VPS13D: variants seen among roughly 807,000 people sequenced by gnomAD.
VPS13D encodes intermembrane lipid transfer protein VPS13D.
Under a neutral mutation model 461.9 loss-of-function variants are expected in VPS13D, and 187 were observed. The observed-to-expected ratio is 0.40, with a 90% CI of 0.36 to 0.46. VPS13D has a LOEUF of 0.46. Among genes scored for constraint, VPS13D ranks in the 20% least tolerant of loss-of-function variants. VPS13D has a pLI of 0.60. For synonymous variants in VPS13D, 1,951 were observed against 1,986.3 expected, an observed-to-expected ratio of 0.98 and a Z score of 0.47; for missense variants, 4,711 against 5,364.9, an observed-to-expected ratio of 0.88 and a Z score of 3.81.
chr1:12,361,395 A>ATTTTTTTTTTTTTTTTTTTTTTTT (rs796776170), intron 50 of VPS13D, among the ~76,000 whole-genome samples: 1 of 133,376 alleles, frequency 7.5e-6, no homozygotes. Flanking sequence ...TTATTTATTT[A>ATTTTTTTTTTTTTTTTTTTTTTTT]TTTATTTATT....
At chr1:12,294,143 A>C (rs191415030) in intron 24 of VPS13D, among the ~76,000 whole-genome samples, 53 of 152,374 alleles carry the variant, frequency 3.5e-4, no homozygotes, top group Admixed American at 2.7e-3. Flanking sequence ...TTTACAAAGT[A>C]AGTCAGTCTA....
rs920944237 is a variant in VPS13D, at chr1:12,362,286, G to A, written c.10142-434G>A. Among the ~76,000 whole-genome samples, 2 of 152,244 alleles carry A rather than the reference G, an allele frequency of 1.3e-5. 1 individual carries two copies. The highest frequency in any genetic ancestry group is 4.1e-4 in the South Asian group (2 of 4,832). On this transcript the variant is annotated intron_variant, in intron 50 of 69. Transcript: ENST00000620676. ...ATTACAGAATCCAAGAAAGTAATCT[G>A]AAATTTCCACTGTATCTGTAAAAGT... is the stretch of plus-strand genomic sequence containing the variant.
chr1:12,338,404 T>C (rs1643497245), intron 40 of VPS13D, 99 bp downstream of exon 40: 3 of 1,046,040 alleles, frequency 2.9e-6, no homozygotes, highest in Admixed American at 1.8e-5. Flanking sequence ...GAATTGGGGG[T>C]ATTCCATGTC....
chr1:12,478,519 T>A, intron 67 of VPS13D: 1 of 292,332 alleles, frequency 3.4e-6, no homozygotes, highest in South Asian at 3.5e-5. Context: ...GGCAAAAGTT[T>A]ATAAAGAGTC....
intron 60 of VPS13D, among the ~76,000 whole-genome samples, chr1:12,389,534 A>C (rs1182122338): frequency 6.6e-6 from 1 of 152,208 alleles, no homozygotes; most frequent in African/African-American, 2.4e-5. Flanking sequence ...AATGAAGGAG[A>C]AAGGAAATAA....
In VPS13D at chr1:12,508,946, C is replaced by T. The variant is rs1291145648; in HGVS notation, c.13089C>T (p.Tyr4363=). Residue 4363 remains tyrosine (Y), a synonymous_variant, in exon 70 of 70, where the codon TAC becomes TAT. Transcript: ENST00000620676. ...LAVKLSQEIN[Y]AKSLYYEQQL... ...TCAAGTTGTCACAAGAAATAAACTA[C>T]GCAAAGAGCCTCTACTATGAACAGC... 9 of 1,614,158 alleles carry T rather than the reference C, an allele frequency of 5.6e-6. No homozygotes were observed. Among genetic ancestry groups the T allele is most frequent in the South Asian group, 1.1e-5 (1 of 91,066 alleles).
intron 60 of VPS13D, among the ~76,000 whole-genome samples, chr1:12,395,477 A>G (rs1644482862): frequency 6.6e-6 from 1 of 152,248 alleles, no homozygotes; most frequent in African/African-American, 2.4e-5. Context: ...GCATGACAAG[A>G]GCTTGTGTCT....
intron 60 of VPS13D, among the ~76,000 whole-genome samples, chr1:12,399,389 G>T (rs1255904764): frequency 6.6e-6 from 1 of 151,576 alleles, no homozygotes; most frequent in Admixed American, 6.6e-5. Context: ...TAGAGACGGG[G>T]TTTCATCATG....
chr1:12,487,683 G>T (rs1645816461), intron 67 of VPS13D, among the ~76,000 whole-genome samples: 1 of 151,808 alleles, frequency 6.6e-6, no homozygotes, highest in African/African-American at 2.4e-5. Flanking sequence ...ATATCTGCTT[G>T]GCTTTGGTCA....
chr1:12,446,150 C>G (rs1385488476), intron 65 of VPS13D, among the ~76,000 whole-genome samples: 1 of 152,190 alleles, frequency 6.6e-6, no homozygotes, highest in Non-Finnish European at 1.5e-5. Flanking sequence ...GACATGGTGG[C>G]TCACACCTGT....
At chr1:12,405,454 C>T (rs941963093) in intron 63 of VPS13D, among the ~76,000 whole-genome samples, 8 of 152,094 alleles carry the variant, frequency 5.3e-5, no homozygotes, top group Non-Finnish European at 7.4e-5. Flanking sequence ...CATCAGATCA[C>T]ATTTGGGTAA....
intron 68 of VPS13D, chr1:12,500,231 G>A: frequency 7.1e-6 from 7 of 984,010 alleles, no homozygotes; most frequent in Non-Finnish European, 8.4e-6. Context: ...ATGATTTCTG[G>A]TCTGGCCAGC....
chr1:12,346,358 C>T (rs974941744), intron 43 of VPS13D, among the ~76,000 whole-genome samples: 1 of 152,078 alleles, frequency 6.6e-6, no homozygotes. Context: ...GGACCAGTTC[C>T]CTCATAGGTA....
In VPS13D at chr1:12,363,192, A is replaced by G. The variant is rs747160352; in HGVS notation, c.10393A>G (p.Ile3465Val). The change falls in exon 52 of 70, where the codon ATT becomes GTT. Residue 3465 changes from isoleucine (I) to valine (V), a missense_variant. This residue lies in a region of VPS13D where 4,411 missense variants were observed against 4,937.8 expected (regional missense o/e 0.89). Transcript: ENST00000620676. Reference protein sequence around the residue: ...CVRLMDVPNCIWSGGFEVNKN... With the variant: ...CVRLMDVPNCVWSGGFEVNKN... Reference sequence around the variant, plus strand: ...CAGACTGATGGACGTTCCCAATTGTATTTGGTCTGGAGGCTTTGAAGTCAA... The same window carrying G: ...CAGACTGATGGACGTTCCCAATTGTGTTTGGTCTGGAGGCTTTGAAGTCAA... 5.0e-6 allele frequency: 8 copies of G among 1,614,114 alleles called. No individual in the cohort carries two copies. The highest frequency in any genetic ancestry group is 2.2e-5 in the East Asian group (1 of 44,878).
chr1:12,499,827 G>A (rs924406977), intron 68 of VPS13D: 2 of 985,356 alleles, frequency 2.0e-6, no homozygotes, highest in Non-Finnish European at 2.4e-6. Context: ...GGGTCTTCGC[G>A]GTGGAGTGAA....
At chr1:12,417,274 A>G (rs1018951350) in intron 65 of VPS13D, among the ~76,000 whole-genome samples, 2 of 152,174 alleles carry the variant, frequency 1.3e-5, no homozygotes, top group Non-Finnish European at 2.9e-5. Flanking sequence ...GCCACCTGAA[A>G]CCAGCAGCAG....
At chr1:12,319,782 A>G in intron 32 of VPS13D, 152 bp downstream of exon 32, 2 of 1,155,532 alleles carry the variant, frequency 1.7e-6, no homozygotes, top group Non-Finnish European at 2.4e-6. Flanking sequence ...TTCTCCCCAA[A>G]TCTACCTGGC....
chr1:12,498,701 G>C (rs898995991), intron 68 of VPS13D, among the ~76,000 whole-genome samples: 1 of 152,124 alleles, frequency 6.6e-6, no homozygotes, highest in Non-Finnish European at 1.5e-5. Context: ...AGTTCTAAAG[G>C]CTGAGAGGTC....
intron 7 of VPS13D, among the ~76,000 whole-genome samples, chr1:12,254,233 G>A (rs1018647608): frequency 3.9e-5 from 6 of 152,042 alleles, no homozygotes; most frequent in African/African-American, 1.2e-4. Context: ...TAGAGATGGG[G>A]TCTCACTCTG....
Sources: gnomAD v4.1 joint callset for allele counts (sites outside exome capture counted in the v4.1 genomes callset) on GRCh38, gnomAD v4.1.1 for gene constraint, gnomAD v4.1.1 regional missense constraint, MANE v1.5 for transcripts, NCBI Gene and HGNC (gene_info 2026-07-23, HGNC 2026-07-21) for gene names.